Variants in COX7B2 observed in about 807,000 individuals in gnomAD.
COX7B2 encodes the protein cytochrome c oxidase subunit 7B2, also known as cytochrome c oxidase subunit 7B2, mitochondrial.
For missense variants in COX7B2, 109 were observed against 95.9 expected (o/e 1.14, Z -0.57); for synonymous variants, 37 against 32.1 (o/e 1.15, Z -0.51).
chr4:46,759,807 TTATATAAGTTATATAAGTCATA>T (rs201978743), intron 2 of COX7B2, among the ~76,000 whole-genome samples: 44,553 of 148,296 alleles, frequency 0.3, 8,009 homozygotes, highest in East Asian at 0.43. Flanking sequence ...AAGTCATATC[TTATATAAGTTATATAAGTCATA>T]TCTTATATAA....
intron 2 of COX7B2, among the ~76,000 whole-genome samples, chr4:46,772,927 T>C (rs1226730952): frequency 6.6e-6 from 1 of 152,102 alleles, no homozygotes; most frequent in African/African-American, 2.4e-5. Context: ...CTTAAAAATA[T>C]TTTTTTGATT....
intron 2 of COX7B2, among the ~76,000 whole-genome samples, chr4:46,838,818 A>G (rs1715716606): frequency 6.6e-6 from 1 of 151,960 alleles, no homozygotes; most frequent in African/African-American, 2.4e-5. Flanking sequence ...AGACCTGATA[A>G]TTCCGAATGG....
chr4:46,877,029 T>C (rs1299866020), intron 1 of COX7B2, among the ~76,000 whole-genome samples: 3 of 152,202 alleles, frequency 2.0e-5, no homozygotes, highest in African/African-American at 7.2e-5. Context: ...CTAAAACCAT[T>C]AGCAGTAAGA....
At chr4:46,866,082 C>T (rs1237258648) in intron 1 of COX7B2, among the ~76,000 whole-genome samples, 2 of 152,158 alleles carry the variant, frequency 1.3e-5, no homozygotes, top group African/African-American at 2.4e-5. Context: ...TCTGTTCCAA[C>T]CCTAGTTTCC....
intron 2 of COX7B2, among the ~76,000 whole-genome samples, chr4:46,766,730 G>GGGGAA (rs889456065): frequency 6.7e-6 from 1 of 149,048 alleles, no homozygotes; most frequent in African/African-American, 2.5e-5. Flanking sequence ...AAAAGAGTCA[G>GGGGAA]GGGAAGGGAA....
chr4:46,836,396 C>CA (rs1250377759), intron 2 of COX7B2, among the ~76,000 whole-genome samples: 1 of 150,558 alleles, frequency 6.6e-6, no homozygotes, highest in Non-Finnish European at 1.5e-5. Context: ...ATCTAAAATG[C>CA]AAAAACACAC....
At chr4:46,866,589 A>G (rs1276053255) in intron 1 of COX7B2, among the ~76,000 whole-genome samples, 3 of 152,162 alleles carry the variant, frequency 2.0e-5, no homozygotes, top group African/African-American at 4.8e-5. Context: ...TAAACAAACA[A>G]TAGCATTATT....
chr4:46,757,514 C>G (rs1201089824), intron 2 of COX7B2, among the ~76,000 whole-genome samples: 1 of 152,060 alleles, frequency 6.6e-6, no homozygotes, highest in Non-Finnish European at 1.5e-5. Context: ...TGCTAACGCC[C>G]AAAACACTGC....
At chr4:46,735,893 G>T (rs1321190264) in intron 2 of COX7B2, among the ~76,000 whole-genome samples, 1 of 152,048 alleles carries the variant, frequency 6.6e-6, no homozygotes, top group Non-Finnish European at 1.5e-5. Flanking sequence ...GGTTCACAGC[G>T]AAATTGAGCA....
intron 2 of COX7B2, among the ~76,000 whole-genome samples, chr4:46,839,190 C>T (rs951834402): frequency 1.3e-5 from 2 of 151,982 alleles, no homozygotes; most frequent in Non-Finnish European, 2.9e-5. Flanking sequence ...GACTTGTTCC[C>T]TAGCCCTCCC....
intron 2 of COX7B2, among the ~76,000 whole-genome samples, chr4:46,751,733 T>G (rs761506622): frequency 3.6e-4 from 55 of 152,162 alleles, no homozygotes; most frequent in Non-Finnish European, 6.9e-4. Context: ...ACAATTACGG[T>G]GAGACCAGGC....
intron 2 of COX7B2, among the ~76,000 whole-genome samples, chr4:46,750,975 A>G (rs1715335916): frequency 6.6e-6 from 1 of 152,114 alleles, no homozygotes; most frequent in Non-Finnish European, 1.5e-5. Context: ...CAAATTATGA[A>G]TTTTGGGGAG....
At chr4:46,907,130 T>C (rs1233603917) in intron 1 of COX7B2, among the ~76,000 whole-genome samples, 2 of 152,194 alleles carry the variant, frequency 1.3e-5, no homozygotes, top group Non-Finnish European at 2.9e-5. Flanking sequence ...TTAATTTGAC[T>C]CAGGTCCTTA....
chr4:46,752,832 T>C (rs1715482511), intron 2 of COX7B2, among the ~76,000 whole-genome samples: 1 of 152,210 alleles, frequency 6.6e-6, no homozygotes, highest in African/African-American at 2.4e-5. Context: ...AGTATTTTAT[T>C]GAGGATTTTT....
At chr4:46,844,586 G>T (rs549989200) in intron 2 of COX7B2, among the ~76,000 whole-genome samples, 16 of 152,096 alleles carry the variant, frequency 1.1e-4, no homozygotes, top group Non-Finnish European at 2.2e-4. Context: ...CCAAATGAAA[G>T]ATTTTCTAAG....
chr4:46,782,002 T>C (rs1717487533), intron 2 of COX7B2, among the ~76,000 whole-genome samples: 1 of 152,124 alleles, frequency 6.6e-6, no homozygotes, highest in Admixed American at 6.5e-5. Context: ...CCCCTGCTTG[T>C]GGCACCTGGT....
rs1372478528 is a variant in COX7B2, at chr4:46,878,103, G to A, written c.-105+31057C>T. ...AACTGCCATTTTCTATGACATGAAC[G>A]TTCCTGGAGGACGTTATGCTAAGTA... On this transcript the variant is annotated intron_variant, in intron 1 of 2. Coordinates refer to ENST00000355591, the MANE Select transcript of COX7B2 (RefSeq NM_130902.3). Among the ~76,000 whole-genome samples, 7 of 151,706 alleles carry A rather than the reference G, an allele frequency of 4.6e-5. No homozygotes were observed. The East Asian group carries it at 9.7e-4, about 21-fold the overall frequency.
At chr4:46,788,310 T>C (rs1239751280) in intron 2 of COX7B2, among the ~76,000 whole-genome samples, 3 of 152,058 alleles carry the variant, frequency 2.0e-5, no homozygotes, top group African/African-American at 7.2e-5. Flanking sequence ...AAAAAAACAA[T>C]GTTATTTCTC....
At chr4:46,879,861 G>A (rs1718600059) in intron 1 of COX7B2, among the ~76,000 whole-genome samples, 1 of 152,142 alleles carries the variant, frequency 6.6e-6, no homozygotes, top group Non-Finnish European at 1.5e-5. Flanking sequence ...CAAAATAAAT[G>A]CTGTGGTTTT....
Sources: gnomAD v4.1 joint callset for allele counts (sites outside exome capture counted in the v4.1 genomes callset) on GRCh38, gnomAD v4.1.1 for gene constraint, MANE v1.5 for transcripts, NCBI Gene and HGNC (gene_info 2026-07-23, HGNC 2026-07-21) for gene names.